CDH6: variants seen among roughly 807,000 people sequenced by gnomAD.
CDH6 encodes the protein cadherin-6.
A neutral mutation model predicts 78.0 loss-of-function variants in CDH6; 31 were observed. The ratio of observed to expected loss-of-function variants is 0.40; its 90% CI spans 0.30 to 0.54. The LOEUF (loss-of-function observed/expected upper bound fraction) is 0.54, where lower values mean the gene tolerates loss of function less well. CDH6 is among the 20% of genes least tolerant of loss of function. The probability of loss-of-function intolerance (pLI) is 0.56; values close to 1 mark genes in which losing one functional copy is unlikely to be tolerated. For synonymous variants in CDH6, 376 were observed against 368.8 expected, an observed-to-expected ratio of 1.02 and a Z score of -0.23; for missense variants, 724 against 975.9, an observed-to-expected ratio of 0.74 and a Z score of 3.44.
intron 1 of CDH6, among the ~76,000 whole-genome samples, chr5:31,205,085 G>T (rs946605740): frequency 2.8e-4 from 43 of 152,118 alleles, no homozygotes; most frequent in African/African-American, 1.0e-3. Context: ...ATATCACTTT[G>T]CCAACTCAAG....
At chr5:31,302,770 AAAGAAGAAAGAGAG>A (rs1295999082) in intron 6 of CDH6, among the ~76,000 whole-genome samples, 2 of 68,854 alleles carry the variant, frequency 2.9e-5, no homozygotes, top group East Asian at 9.9e-4. Flanking sequence ...AGAAAGAAAG[AAAGAAGAAAGAGAG>A]AGAGAGAGAG....
intron 2 of CDH6, among the ~76,000 whole-genome samples, chr5:31,268,182 G>A (rs1252671601): frequency 3.3e-5 from 5 of 152,140 alleles, no homozygotes; most frequent in Non-Finnish European, 7.4e-5. Context: ...GCCAAATGGA[G>A]CCCTTTGCTG....
intron 2 of CDH6, among the ~76,000 whole-genome samples, chr5:31,288,739 G>A (rs770080300): frequency 6.6e-6 from 1 of 152,124 alleles, no homozygotes; most frequent in Non-Finnish European, 1.5e-5. Flanking sequence ...CAACACCACT[G>A]TTCTCTAATT....
At chr5:31,293,886 T>G (rs1047897526) in intron 2 of CDH6, 76 bp from the exon 3 acceptor site, 4 of 948,616 alleles carry the variant, frequency 4.2e-6, no homozygotes, top group Non-Finnish European at 6.3e-6. Context: ...TAATGTAGCA[T>G]GCACCAAAAA....
chr5:31,235,479 C>T (rs1741431980), intron 1 of CDH6, among the ~76,000 whole-genome samples: 1 of 151,976 alleles, frequency 6.6e-6, no homozygotes, highest in African/African-American at 2.4e-5. Flanking sequence ...TTTTACTGTT[C>T]TCCTTTATTC....
intron 5 of CDH6, among the ~76,000 whole-genome samples, 180 bp from the exon 6 acceptor site, chr5:31,301,931 A>C (rs1357996067): frequency 1.3e-5 from 2 of 152,234 alleles, no homozygotes; most frequent in African/African-American, 4.8e-5. Context: ...TAGAAGAAAC[A>C]TTCTTAACAA....
At chr5:31,293,830 TA>T (rs200606558) in intron 2 of CDH6, 131 bp from the exon 3 acceptor site, 22,285 of 424,602 alleles carry the variant, frequency 0.052, 1 homozygote, top group East Asian at 0.072. Context: ...ACGTAAATAG[TA>T]AAAAAAAAAA....
chr5:31,257,879 C>T (rs893005924), intron 1 of CDH6, among the ~76,000 whole-genome samples: 1 of 152,148 alleles, frequency 6.6e-6, no homozygotes, highest in African/African-American at 2.4e-5. Flanking sequence ...ATACAAATGA[C>T]ATTGTGGATA....
chr5:31,278,534 C>T (rs1338707561), intron 2 of CDH6, among the ~76,000 whole-genome samples: 1 of 152,078 alleles, frequency 6.6e-6, no homozygotes, highest in African/African-American at 2.4e-5. Context: ...AAAAGGCAAA[C>T]AGATTTGGCC....
chr5:31,284,869 A>G (rs919874340), intron 2 of CDH6, among the ~76,000 whole-genome samples: 54 of 151,650 alleles, frequency 3.6e-4, no homozygotes, highest in African/African-American at 1.2e-3. Flanking sequence ...GGCAAAGGCC[A>G]TGTGGCTTCC....
intron 2 of CDH6, among the ~76,000 whole-genome samples, chr5:31,292,502 T>C (rs1737399015): frequency 1.3e-5 from 2 of 152,234 alleles, no homozygotes; most frequent in South Asian, 4.1e-4. Flanking sequence ...GAGCATTTTG[T>C]GCAGTATTAA....
At chr5:31,248,296 G>A (rs1486732341) in intron 1 of CDH6, among the ~76,000 whole-genome samples, 3 of 152,094 alleles carry the variant, frequency 2.0e-5, no homozygotes, top group Non-Finnish European at 4.4e-5. Context: ...ATGACTTGGG[G>A]GAAGCAAAAC....
At chr5:31,269,265 T>TAAAA (rs58366711) in intron 2 of CDH6, among the ~76,000 whole-genome samples, 1 of 138,492 alleles carries the variant, frequency 7.2e-6, no homozygotes, top group Non-Finnish European at 1.5e-5. Flanking sequence ...CACATATTCT[T>TAAAA]AAAAAAAAAA....
chr5:31,302,778 A>G (rs60021755), intron 6 of CDH6, among the ~76,000 whole-genome samples: 1 of 64,562 alleles, frequency 1.5e-5, no homozygotes, highest in East Asian at 4.8e-4. Flanking sequence ...AGAAAGAAGA[A>G]AGAGAGAGAG....
intron 1 of CDH6, among the ~76,000 whole-genome samples, chr5:31,194,833 G>A (rs1272589916): frequency 6.6e-6 from 1 of 152,186 alleles, no homozygotes; most frequent in African/African-American, 2.4e-5. Context: ...GCAGAGCTGA[G>A]ATTACTTCTT....
intron 1 of CDH6, among the ~76,000 whole-genome samples, chr5:31,236,676 C>T (rs1035521314): frequency 5.3e-5 from 8 of 152,252 alleles, no homozygotes; most frequent in African/African-American, 1.7e-4. Context: ...GGGAGGGATT[C>T]CCCGCCCCCC....
At chr5:31,270,815 A>G (rs1376242122) in intron 2 of CDH6, among the ~76,000 whole-genome samples, 3 of 151,522 alleles carry the variant, frequency 2.0e-5, no homozygotes. Context: ...TCCTGCCCCA[A>G]CTCCCAACTA....
At chr5:31,195,099 T>A (rs543236993) in intron 1 of CDH6, among the ~76,000 whole-genome samples, 40 of 151,254 alleles carry the variant, frequency 2.6e-4, no homozygotes, top group Non-Finnish European at 4.0e-4. Flanking sequence ...AAAAAAAAAA[T>A]TTAAATGATG....
intron 6 of CDH6, among the ~76,000 whole-genome samples, chr5:31,302,903 A>AAAGAAAGAAAGAAAGAAAGAAAGAAAG (rs1554010012): frequency 1.1e-5 from 1 of 90,424 alleles, no homozygotes; most frequent in Non-Finnish European, 2.3e-5. Context: ...AAGAAAGAAA[A>AAAGAAAGAAAGAAAGAAAGAAAGAAAG]AAAGAAAGAA....
Sources: allele counts gnomAD v4.1 joint callset (sites outside exome capture counted in the v4.1 genomes callset), GRCh38; gene constraint gnomAD v4.1.1; transcripts MANE v1.5; gene names NCBI Gene and HGNC (gene_info 2026-07-23, HGNC 2026-07-21).